Variants in WDPCP observed in about 807,000 individuals in gnomAD.
WDPCP encodes WD repeat containing planar cell polarity effector, also known as WD repeat-containing and planar cell polarity effector protein fritz homolog.
A neutral mutation model predicts 93.1 loss-of-function variants in WDPCP; 71 were observed. That is an observed-to-expected ratio of 0.76 (90% confidence interval 0.63 to 0.93). The LOEUF is 0.93. Ranked by LOEUF, WDPCP falls within the 40% of genes least tolerant of loss-of-function variation. The pLI, the probability that WDPCP is intolerant of heterozygous loss-of-function variation, is 0.00. For synonymous variants in WDPCP, 315 were observed against 315.0 expected (o/e 1.00, Z 0.00); for missense variants, 844 against 887.4 (o/e 0.95, Z 0.62).
At chr2:63,794,709 T>A (rs1386570821) in intron 2 of WDPCP, among the ~76,000 whole-genome samples, 1 of 152,196 alleles carries the variant, frequency 6.6e-6, no homozygotes, top group Non-Finnish European at 1.5e-5. Flanking sequence ...TTCCTTACTG[T>A]TTAAGCCACC....
chr2:63,420,938 T>C (rs1695813568), intron 9 of WDPCP, among the ~76,000 whole-genome samples: 1 of 152,194 alleles, frequency 6.6e-6, no homozygotes, highest in Non-Finnish European at 1.5e-5. Flanking sequence ...ATGAACACTA[T>C]TGTACATGCC....
At chr2:63,527,134 A>G (rs1157735580) in intron 1 of WDPCP, among the ~76,000 whole-genome samples, 2 of 152,128 alleles carry the variant, frequency 1.3e-5, no homozygotes, top group Non-Finnish European at 2.9e-5. Flanking sequence ...CAAGCAAGGC[A>G]CTGCTTTGTT....
chr2:63,727,803 A>T (rs982078932), intron 2 of WDPCP, among the ~76,000 whole-genome samples: 1 of 152,188 alleles, frequency 6.6e-6, no homozygotes, highest in African/African-American at 2.4e-5. Context: ...CTAGGAAATT[A>T]TGCATTTCTT....
chr2:63,398,208 T>C (rs1693887797), intron 10 of WDPCP, among the ~76,000 whole-genome samples: 1 of 152,102 alleles, frequency 6.6e-6, no homozygotes, highest in South Asian at 2.1e-4. Flanking sequence ...TTGAGAGGAA[T>C]AGGGAGCTGA....
chr2:63,494,610 G>C (rs1210921197), intron 1 of WDPCP, among the ~76,000 whole-genome samples: 3 of 152,064 alleles, frequency 2.0e-5, no homozygotes, highest in Admixed American at 1.3e-4. Context: ...AGTATATACA[G>C]ATGTTTGAGT....
At chr2:63,692,530 G>T (rs773746637) in intron 2 of WDPCP, among the ~76,000 whole-genome samples, 46 of 152,146 alleles carry the variant, frequency 3.0e-4, no homozygotes, top group Admixed American at 1.6e-3. Context: ...GGAATTAATT[G>T]CTGCTTTTAA....
At chr2:63,759,577 T>C (rs1446808583) in intron 2 of WDPCP, among the ~76,000 whole-genome samples, 1 of 152,232 alleles carries the variant, frequency 6.6e-6, no homozygotes, top group African/African-American at 2.4e-5. Flanking sequence ...CAACCTGTCA[T>C]GGTACTTTAA....
At chr2:63,656,271 G>A (rs1176017640) in intron 2 of WDPCP, among the ~76,000 whole-genome samples, 2 of 152,166 alleles carry the variant, frequency 1.3e-5, no homozygotes, top group Non-Finnish European at 2.9e-5. Context: ...AGTGAAGAGT[G>A]AGGCCATACC....
intron 1 of WDPCP, among the ~76,000 whole-genome samples, chr2:63,545,570 C>G (rs111381424): frequency 6.6e-6 from 1 of 151,894 alleles, no homozygotes; most frequent in Non-Finnish European, 1.5e-5. Flanking sequence ...ATAATCTACC[C>G]GAACATTTTA....
intron 1 of WDPCP, among the ~76,000 whole-genome samples, chr2:63,526,852 T>G (rs1215558323): frequency 6.6e-6 from 1 of 152,214 alleles, no homozygotes; most frequent in Non-Finnish European, 1.5e-5. Context: ...GATTATTTCT[T>G]TGCTTACTCA....
At chr2:63,421,818 T>C (rs561756691) in intron 9 of WDPCP, among the ~76,000 whole-genome samples, 2 of 152,320 alleles carry the variant, frequency 1.3e-5, no homozygotes, top group South Asian at 4.1e-4. Flanking sequence ...CATGATTATC[T>C]TGAAACTGTT....
At chr2:63,385,435 G>A (rs1418905011) in intron 10 of WDPCP, among the ~76,000 whole-genome samples, 1 of 151,930 alleles carries the variant, frequency 6.6e-6, no homozygotes. Flanking sequence ...CAGGATTGCA[G>A]GATACATAGT....
intron 2 of WDPCP, among the ~76,000 whole-genome samples, chr2:63,734,870 T>TAGAC (rs10586648): frequency 0.29 from 41,318 of 141,178 alleles, 6,101 homozygotes; most frequent in East Asian, 0.51. Context: ...GATAGATAGA[T>TAGAC]AGACAGACAG....
At chr2:63,422,473 A>G (rs1015183682) in intron 9 of WDPCP, among the ~76,000 whole-genome samples, 1 of 152,370 alleles carries the variant, frequency 6.6e-6, no homozygotes, top group Middle Eastern at 3.4e-3. Context: ...ACTGGTAAAT[A>G]GAAAATAAAC....
chr2:63,809,301 C>G (rs1431316682), intron 2 of WDPCP, among the ~76,000 whole-genome samples: 2 of 149,724 alleles, frequency 1.3e-5, no homozygotes, highest in South Asian at 4.3e-4. Context: ...GGGTTCAGCC[C>G]CCCGCCCAGC....
At chr2:63,431,224 A>G (rs957848865) in intron 9 of WDPCP, among the ~76,000 whole-genome samples, 8 of 151,894 alleles carry the variant, frequency 5.3e-5, no homozygotes, top group African/African-American at 1.9e-4. Flanking sequence ...TCGCCTAGGG[A>G]ACCTGTAAAA....
At chr2:63,549,319 G>A (rs184845136) in intron 1 of WDPCP, among the ~76,000 whole-genome samples, 138 of 144,684 alleles carry the variant, frequency 9.5e-4, no homozygotes, top group Admixed American at 1.5e-3. Flanking sequence ...AAAATAAAAA[G>A]AGCCTCAAAG....
intron 17 of WDPCP, among the ~76,000 whole-genome samples, chr2:63,148,465 G>A (rs1440602517): frequency 5.3e-5 from 8 of 152,072 alleles, no homozygotes; most frequent in East Asian, 1.9e-4. Flanking sequence ...TCAGTCTCCC[G>A]AGTAGCTGGG....
At chr2:63,714,861 G>A (rs138200619) in intron 2 of WDPCP, among the ~76,000 whole-genome samples, 1 of 152,160 alleles carries the variant, frequency 6.6e-6, no homozygotes, top group East Asian at 1.9e-4. Flanking sequence ...ATAAATAATA[G>A]TACACAAATG....
Sources: gnomAD v4.1 joint callset for allele counts (sites outside exome capture counted in the v4.1 genomes callset) on GRCh38, gnomAD v4.1.1 for gene constraint, MANE v1.5 for transcripts, NCBI Gene and HGNC (gene_info 2026-07-23, HGNC 2026-07-21) for gene names.